Variants in BCR observed in about 807,000 individuals in gnomAD.
The protein encoded by BCR is breakpoint cluster region protein.
A neutral mutation model predicts 138.6 loss-of-function variants in BCR; 58 were observed. That is an observed-to-expected ratio of 0.42 (90% CI 0.34 to 0.52). The LOEUF (loss-of-function observed/expected upper bound fraction) is 0.52, where lower values mean the gene tolerates loss of function less well. Among genes scored for constraint, BCR ranks in the 20% least tolerant of loss-of-function variants. BCR has a pLI of 0.06. For missense variants in BCR, 1,599 were observed against 1,727.2 expected (o/e 0.93, Z 1.32); for synonymous variants, 786 against 730.1 (o/e 1.08, Z -1.23).
rs535870405 is a variant in BCR, at chr22:23,234,922, TGGACAGA to T, written c.1280-18875_1280-18869del. 2.6e-4 allele frequency among the ~76,000 whole-genome samples: 37 copies of T among 143,686 alleles called. 2 individuals carry two copies. The highest frequency in any genetic ancestry group is 9.1e-4 in the African/African-American group (37 of 40,840). 94.3% of individuals were successfully genotyped at this position (143,686 alleles called of 152,430 possible). A position where few individuals can be genotyped will look rare whatever the true frequency, so the allele number is the denominator to read the frequency against. On this transcript the variant is annotated intron_variant, in intron 1 of 22. Transcript: ENST00000305877. ...GGGGAGTAGAGGGGCATGTGTTGTA[TGGACAGA>T]GCCCTACCATGCTTAGAGGAGTCAG... is the stretch of plus-strand genomic sequence containing the variant.
At chr22:23,244,150 C>G (rs1268082610) in intron 1 of BCR, among the ~76,000 whole-genome samples, 3 of 152,172 alleles carry the variant, frequency 2.0e-5, no homozygotes, top group Non-Finnish European at 4.4e-5. Flanking sequence ...TTATAGGACA[C>G]CCGGCTGGTG....
chr22:23,225,133 AG>A (rs1181511677), intron 1 of BCR, among the ~76,000 whole-genome samples: 1 of 151,798 alleles, frequency 6.6e-6, no homozygotes, highest in Non-Finnish European at 1.5e-5. Context: ...GTTCAATGAA[AG>A]GAACAGTCCA....
In BCR at chr22:23,316,298, G is replaced by C. The variant is rs939297402; in HGVS notation, c.*776G>C. On this transcript the variant is annotated 3_prime_UTR_variant, in exon 23 of 23. Transcript: ENST00000305877. ...CCGCCCTTCCGGCCCACGCTCTCCT[G>C]TTTGGCTTCCACAGGCCTGGACTTC... 1 of 161,394 alleles carries C rather than the reference G, an allele frequency of 6.2e-6. No individual in the cohort carries two copies. Among genetic ancestry groups the C allele is most frequent in the African/African-American group, 3.6e-5 (1 of 27,986 alleles). 10.0% of individuals were successfully genotyped at this position (161,394 alleles called of 1,614,324 possible).
chr22:23,232,454 G>A (rs1248165831), intron 1 of BCR, among the ~76,000 whole-genome samples: 2 of 152,206 alleles, frequency 1.3e-5, no homozygotes, highest in Non-Finnish European at 2.9e-5. Context: ...ACAAGGGTAG[G>A]GGGACCTCAG....
At chr22:23,295,302 C>T (rs2073833279) in intron 16 of BCR, 147 bp downstream of exon 16, 2 of 1,043,016 alleles carry the variant, frequency 1.9e-6, no homozygotes, top group Non-Finnish European at 2.7e-6. Context: ...CGTGGGAGAC[C>T]TGAGCCGGTG....
At chr22:23,258,262 A>T (rs896141579) in intron 2 of BCR, among the ~76,000 whole-genome samples, 1 of 104,606 alleles carries the variant, frequency 9.6e-6, no homozygotes, top group Admixed American at 1.1e-4. Flanking sequence ...AAGGTGGCCC[A>T]GGAAGGCTTT....
chr22:23,273,245 T>C, intron 7 of BCR, 112 bp downstream of exon 7: 1 of 1,203,648 alleles, frequency 8.3e-7, no homozygotes, highest in South Asian at 1.3e-5. Context: ...AAGGGGGTGC[T>C]ACTGGCATCT....
chr22:23,286,671 AT>A (rs1329991920), intron 10 of BCR, among the ~76,000 whole-genome samples: 1 of 152,128 alleles, frequency 6.6e-6, no homozygotes, highest in African/African-American at 2.4e-5. Context: ...AGTGAAACCC[AT>A]GGCTCAGCAT....
chr22:23,310,342 G>T lies in BCR; in HGVS notation c.3091G>T (p.Val1031Phe). The T allele has an allele frequency of 7.1e-7, 1 of 1,407,762 alleles. No individual in the cohort carries two copies. The highest frequency in any genetic ancestry group is 1.0e-6 in the Non-Finnish European group (1 of 999,430). 87.2% of individuals were successfully genotyped at this position (1,407,762 alleles called of 1,614,324 possible). A position where few individuals can be genotyped will look rare whatever the true frequency, so the allele number is the denominator to read the frequency against. ...AMNGIEVKLS[V>F]KFNSREFSLK... is the part of the protein sequence containing the mutation. Reference sequence around the variant, plus strand: ...ACTGTAGATCGAAGTAAAGCTCTCGGTCAAGTTCAACAGCAGGGAGTTCAG... The same window carrying T: ...ACTGTAGATCGAAGTAAAGCTCTCGTTCAAGTTCAACAGCAGGGAGTTCAG... Residue 1031 changes from valine to phenylalanine, a missense_variant, in exon 18 of 23, where the codon GTC becomes TTC. Val to Phe is a conservative substitution (Grantham distance 50). Coordinates refer to ENST00000305877, the MANE Select transcript of BCR (RefSeq NM_004327.4).
chr22:23,180,952 G>A lies in BCR; in HGVS notation c.-9G>A, dbSNP rs139121414. On this transcript the variant is annotated 5_prime_UTR_variant, in exon 1 of 23. Coordinates refer to ENST00000305877, the MANE Select transcript of BCR (RefSeq NM_004327.4). ...GCAGCCCGGCGGCGCAGGTAAGGCC[G>A]GCCGCGCCATGGTGGACCCGGTGGG... is the stretch of plus-strand genomic sequence containing the variant. The A allele has an allele frequency of 3.1e-3, 3,988 of 1,294,008 alleles. 109 individuals are homozygous for A. The African/African-American group carries it at 0.056, about 18-fold the overall frequency. The allele number at this position is 1,294,008 out of a possible 1,614,324, so 80.2% of individuals were successfully genotyped here.
chr22:23,242,482 C>CCGGTGTATTTTGGGATGGCA (rs2073104696), intron 1 of BCR, among the ~76,000 whole-genome samples: 1 of 152,190 alleles, frequency 6.6e-6, no homozygotes, highest in Non-Finnish European at 1.5e-5. Context: ...GTGTAGCCAT[C>CCGGTGTATTTTGGGATGGCA]CGGTGTATTT....
At chr22:23,228,981 G>A (rs566925070) in intron 1 of BCR, among the ~76,000 whole-genome samples, 3 of 152,044 alleles carry the variant, frequency 2.0e-5, no homozygotes, top group Non-Finnish European at 4.4e-5. Flanking sequence ...TGGGACACCT[G>A]GGACATGAAA....
At position 23,182,097 on chromosome 22, in the gene BCR, C is replaced by T. The variant is rs1441556897; in HGVS notation, c.1137C>T (p.Asp379=). The T allele has an allele frequency of 6.2e-7, 1 of 1,613,094 alleles. No individual in the cohort carries two copies. The highest frequency in any genetic ancestry group is 1.1e-5 in the South Asian group (1 of 91,084). Residue 379 remains aspartate (D), a synonymous_variant, in exon 1 of 23, where the codon GAC becomes GAT. Transcript: ENST00000305877. ...SPSQNSQQSF[D]SSSPPTPQCH... ...CGCAGAACTCGCAACAGTCCTTCGA[C>T]AGCAGCAGTCCCCCCACGCCGCAGT... is the stretch of plus-strand genomic sequence containing the variant.
At chr22:23,264,055 A>G (rs188439780) in intron 4 of BCR, 42 of 1,074,216 alleles carry the variant, frequency 3.9e-5, no homozygotes, top group Middle Eastern at 2.0e-4. Flanking sequence ...TCCTGTGGCT[A>G]TGACACCTAT....
intron 1 of BCR, among the ~76,000 whole-genome samples, chr22:23,206,406 C>G (rs1371962169): frequency 6.6e-6 from 1 of 151,932 alleles, no homozygotes; most frequent in South Asian, 2.1e-4. Context: ...AACCATGTCT[C>G]TACTAAAAAT....
chr22:23,263,887 T>C, intron 4 of BCR: 1 of 964,948 alleles, frequency 1.0e-6, no homozygotes. Context: ...AGGCCATTAC[T>C]CAGCTCTTTT....
chr22:23,314,165 C>T (rs2074040297), intron 21 of BCR, 92 bp downstream of exon 21: 2 of 1,038,350 alleles, frequency 1.9e-6, no homozygotes, highest in Admixed American at 3.6e-5. Context: ...CACCGAGGAC[C>T]TTTTCTCCTG....
chr22:23,283,337 A>G (rs1252860851), intron 8 of BCR: 2 of 152,316 alleles, frequency 1.3e-5, no homozygotes, highest in Admixed American at 6.5e-5. Flanking sequence ...TAGGAGTTCC[A>G]CATGTGGGAC....
chr22:23,194,402 CTT>C (rs374624643), intron 1 of BCR, among the ~76,000 whole-genome samples: 3 of 130,884 alleles, frequency 2.3e-5, no homozygotes, highest in African/African-American at 5.3e-5. Context: ...TTTTTTTTTT[CTT>C]TTTTTTTTTC....
Sources: gnomAD v4.1 joint callset for allele counts (sites outside exome capture counted in the v4.1 genomes callset) on GRCh38, gnomAD v4.1.1 for gene constraint, MANE v1.5 for transcripts, NCBI Gene and HGNC (gene_info 2026-07-23, HGNC 2026-07-21) for gene names.